The following UFD1 variants were observed in gnomAD, a reference collection of about 807,000 sequenced individuals.
UFD1 encodes ubiquitin recognition factor in ER associated degradation 1, also known as ubiquitin recognition factor in ER-associated degradation protein 1.
A neutral mutation model predicts 45.9 loss-of-function variants in UFD1; 13 were observed. The ratio of observed to expected loss-of-function variants is 0.28; its 90% CI spans 0.18 to 0.45. The LOEUF (loss-of-function observed/expected upper bound fraction) is 0.45. Among genes scored for constraint, UFD1 ranks in the 20% least tolerant of loss-of-function variants. The probability of loss-of-function intolerance (pLI) is 1.00; values close to 1 mark genes in which losing one functional copy is unlikely to be tolerated. For synonymous variants in UFD1, 128 were observed against 139.2 expected (o/e 0.92, Z 0.56); for missense variants, 218 against 389.2 (o/e 0.56, Z 3.70).
chr22:19,461,635 C>T (rs1166393200), intron 6 of UFD1, among the ~76,000 whole-genome samples: 1 of 152,134 alleles, frequency 6.6e-6, no homozygotes, highest in Non-Finnish European at 1.5e-5. Context: ...CAAGGTTATG[C>T]CGACCTCAGA....
At chr22:19,472,237 C>A (rs1275835127) in intron 3 of UFD1, among the ~76,000 whole-genome samples, 1 of 152,156 alleles carries the variant, frequency 6.6e-6, no homozygotes, top group Non-Finnish European at 1.5e-5. Context: ...AGGCCGAGTT[C>A]TTTAGGCTGG....
chr22:19,474,129 C>T (rs1315118450), intron 3 of UFD1, among the ~76,000 whole-genome samples: 1 of 152,134 alleles, frequency 6.6e-6, no homozygotes, highest in Non-Finnish European at 1.5e-5. Flanking sequence ...TCTTAGAACC[C>T]CTGTGGGCCT....
chr22:19,477,168 C>T (rs1490078367), intron 1 of UFD1, among the ~76,000 whole-genome samples: 1 of 151,940 alleles, frequency 6.6e-6, no homozygotes, highest in Non-Finnish European at 1.5e-5. Context: ...TAACTGAAAC[C>T]ACCTAAAATC....
chr22:19,471,816 T>G lies in UFD1; in HGVS notation c.170-8A>C. ...AGGTAATGTTAAGTCGGCCTGAAAATAAGAGAGAGACTATGAGGCACAGCT... is the reference window on the plus strand; with the variant it reads ...AGGTAATGTTAAGTCGGCCTGAAAAGAAGAGAGAGACTATGAGGCACAGCT... On this transcript the variant is annotated splice_region_variant and splice_polypyrimidine_tract_variant and intron_variant, in intron 3 of 11. Transcript: ENST00000263202. 6.2e-7 allele frequency: 1 copy of G among 1,612,466 alleles called. No individual in the cohort carries two copies.
chr22:19,467,700 T>C, intron 5 of UFD1, 173 bp downstream of exon 5: 2 of 1,180,084 alleles, frequency 1.7e-6, no homozygotes, highest in Non-Finnish European at 2.3e-6. Flanking sequence ...CCAGTGCACT[T>C]GGCCAGGGCC....
At chr22:19,472,657 G>A (rs112952006) in intron 3 of UFD1, among the ~76,000 whole-genome samples, 4,458 of 152,326 alleles carry the variant, frequency 0.029, 97 homozygotes, top group Non-Finnish European at 0.043. Context: ...AGGAACTGAT[G>A]GTAGTGATGG....
rs1282459290 is a variant in UFD1 at position 19,450,723 on chromosome 22, C to T, written c.871G>A (p.Val291Ile). Residue 291 changes from valine (V) to isoleucine (I), a missense_variant, in exon 12 of 12, where the codon GTC (valine) becomes ATC (isoleucine). Coordinates refer to ENST00000263202, the MANE Select transcript of UFD1 (RefSeq NM_005659.7). ...GACTGTCCTTCTCCAGAGAAAGCGA[C>T]GAATCTGCCTCCAGCTTCATCCTAG... ...VEEDEAGGRF[V>I]AFSGEGQSLR... 1.4e-5 allele frequency: 23 copies of T among 1,614,070 alleles called. No homozygotes were observed. The highest frequency in any genetic ancestry group is 1.1e-4 in the South Asian group (10 of 91,088).
chr22:19,468,530 A>G (rs1056783401), intron 4 of UFD1, among the ~76,000 whole-genome samples: 2 of 152,230 alleles, frequency 1.3e-5, no homozygotes, highest in Non-Finnish European at 2.9e-5. Flanking sequence ...TAAACAACCC[A>G]GCCAGGTAGA....
rs116697031 is a variant in UFD1 at position 19,458,006 on chromosome 22, C to G, written c.564+65G>C. On this transcript the variant is annotated intron_variant, in intron 7 of 11. Transcript: ENST00000263202. The stretch of plus-strand genomic sequence containing the variant: ...GATGCCCTCCTGACACCCTGGCCTG[C>G]AGTGGTCACCAACTGCCCATCCTCC... 6.8e-4 allele frequency: 1,062 copies of G among 1,569,028 alleles called. 6 individuals carry two copies. The African/African-American group carries it at 0.013, about 19-fold the overall frequency.
At chr22:19,478,857 G>T in intron 1 of UFD1, 1 of 566,816 alleles carries the variant, frequency 1.8e-6, no homozygotes, top group Non-Finnish European at 3.0e-6. Flanking sequence ...GGCAAGTCCG[G>T]CTGAGACAGA....
At chr22:19,479,014 G>A (rs2089922304) in intron 1 of UFD1, 69 bp downstream of exon 1, 3 of 1,419,080 alleles carry the variant, frequency 2.1e-6, no homozygotes, top group East Asian at 2.5e-5. Flanking sequence ...GCCCCGCCCT[G>A]CCCCGCCGGG....
At chr22:19,457,965 G>T in intron 7 of UFD1, 106 bp downstream of exon 7, 1 of 1,139,916 alleles carries the variant, frequency 8.8e-7, no homozygotes, top group South Asian at 1.3e-5. Context: ...TTTACCCAGA[G>T]TCCCAGGGGC....
chr22:19,454,056 T>TG, intron 11 of UFD1: 1 of 985,790 alleles, frequency 1.0e-6, no homozygotes, highest in Non-Finnish European at 1.2e-6. Context: ...GCCACCACCC[T>TG]GCTCAGCTAG....
chr22:19,478,513 A>G (rs1246698598), intron 1 of UFD1, among the ~76,000 whole-genome samples: 1 of 152,252 alleles, frequency 6.6e-6, no homozygotes, highest in Non-Finnish European at 1.5e-5. Flanking sequence ...AAAAGAAATA[A>G]GCCGCGATGA....
chr22:19,476,509 C>T (rs2089882425), intron 1 of UFD1, among the ~76,000 whole-genome samples: 1 of 152,024 alleles, frequency 6.6e-6, no homozygotes, highest in Non-Finnish European at 1.5e-5. Context: ...AAACTGTAGA[C>T]TAAGATGAGG....
intron 1 of UFD1, among the ~76,000 whole-genome samples, chr22:19,478,055 A>ATATATGT (rs2089902186): frequency 6.6e-6 from 1 of 152,184 alleles, no homozygotes; most frequent in Non-Finnish European, 1.5e-5. Flanking sequence ...CAACCTATGT[A>ATATATGT]AGCCATTTCT....
At chr22:19,456,995 C>T (rs1662778838) in intron 7 of UFD1, 77 bp from the exon 8 acceptor site, 5 of 948,784 alleles carry the variant, frequency 5.3e-6, no homozygotes, top group South Asian at 1.4e-5. Flanking sequence ...TTAATTGAGA[C>T]AACTGTAGAT....
intron 9 of UFD1, 98 bp downstream of exon 9, chr22:19,456,489 T>C: frequency 1.3e-6 from 2 of 1,541,646 alleles, no homozygotes; most frequent in South Asian, 2.2e-5. Context: ...TAACCCCTGC[T>C]GATGTCCATC....
chr22:19,453,061 C>G, intron 11 of UFD1: 1 of 985,416 alleles, frequency 1.0e-6, no homozygotes, highest in Non-Finnish European at 1.2e-6. Context: ...GAATGGAAAG[C>G]TTTCTGACTG....
Sources: gnomAD v4.1 joint callset for allele counts (sites outside exome capture counted in the v4.1 genomes callset) on GRCh38, gnomAD v4.1.1 for gene constraint, MANE v1.5 for transcripts, NCBI Gene and HGNC (gene_info 2026-07-23, HGNC 2026-07-21) for gene names.